Variants in IL1RAPL2 observed in about 807,000 individuals in gnomAD.
The protein encoded by IL1RAPL2 is X-linked interleukin-1 receptor accessory protein-like 2.
A neutral mutation model predicts 44.1 loss-of-function variants in IL1RAPL2; 3 were observed. That is an observed-to-expected ratio of 0.07 (90% CI 0.03 to 0.18). The LOEUF is 0.18. Among genes scored for constraint, IL1RAPL2 ranks in the 10% least tolerant of loss-of-function variants. The pLI is 1.00. For synonymous variants in IL1RAPL2, 181 were observed against 178.8 expected (o/e 1.01, Z -0.10); for missense variants, 391 against 496.4 (o/e 0.79, Z 2.02).
At chrX:105,655,088 T>G (rs1351237425) in intron 6 of IL1RAPL2, among the ~76,000 whole-genome samples, 1 of 112,707 alleles carries the variant, frequency 8.9e-6, no homozygotes, top group Non-Finnish European at 1.9e-5. Context: ...CATGCTGGCT[T>G]ACACCTTTTC....
At chrX:105,158,915 A>T (rs1472101897) in intron 2 of IL1RAPL2, among the ~76,000 whole-genome samples, 1 of 110,860 alleles carries the variant, frequency 9.0e-6, no homozygotes, top group Non-Finnish European at 1.9e-5. Context: ...TGCCCTCATC[A>T]CCTTGCTTCT....
chrX:105,209,915 C>A (rs1334931479), intron 3 of IL1RAPL2, among the ~76,000 whole-genome samples: 1 of 111,606 alleles, frequency 9.0e-6, no homozygotes, highest in African/African-American at 3.3e-5. Flanking sequence ...ACCTTCCTTT[C>A]TAGTGCCCCC....
chrX:104,749,185 A>C (rs1932219587), intron 2 of IL1RAPL2, among the ~76,000 whole-genome samples: 1 of 111,277 alleles, frequency 9.0e-6, no homozygotes, highest in South Asian at 3.8e-4. Flanking sequence ...GAGAAGGCAT[A>C]ATTTATTTAA....
At chrX:105,119,240 A>G (rs1287919612) in intron 2 of IL1RAPL2, among the ~76,000 whole-genome samples, 1 of 111,347 alleles carries the variant, frequency 9.0e-6, no homozygotes, top group Non-Finnish European at 1.9e-5. Flanking sequence ...AAATTGAAGT[A>G]TATTCTTACA....
At chrX:105,100,817 A>G (rs759009061) in intron 2 of IL1RAPL2, among the ~76,000 whole-genome samples, 1 of 112,436 alleles carries the variant, frequency 8.9e-6, no homozygotes, top group African/African-American at 3.2e-5. Flanking sequence ...TGATATAGGC[A>G]TCACCAGCCT....
intron 5 of IL1RAPL2, among the ~76,000 whole-genome samples, chrX:105,388,244 A>G (rs1327478632): frequency 2.0e-5 from 2 of 99,465 alleles, no homozygotes; most frequent in Non-Finnish European, 4.0e-5. Context: ...AACTCTGACT[A>G]TGTCGGCAGC....
chrX:105,627,934 A>T (rs2037464914), intron 6 of IL1RAPL2, among the ~76,000 whole-genome samples: 1 of 111,757 alleles, frequency 8.9e-6, no homozygotes, highest in Non-Finnish European at 1.9e-5. Context: ...ACCATCGAGT[A>T]CAGAATCTCT....
At chrX:104,715,031 T>C (rs2147560054) in intron 2 of IL1RAPL2, among the ~76,000 whole-genome samples, 1 of 110,807 alleles carries the variant, frequency 9.0e-6, no homozygotes, top group South Asian at 3.8e-4. Flanking sequence ...TCCTCATTTT[T>C]TGGGAATATT....
intron 2 of IL1RAPL2, among the ~76,000 whole-genome samples, chrX:104,907,054 T>G (rs1323217853): frequency 2.7e-5 from 3 of 111,120 alleles, no homozygotes; most frequent in African/African-American, 9.8e-5. Flanking sequence ...TTGAGGAATT[T>G]ATCCATTTCT....
At chrX:105,415,778 A>C (rs2035728927) in intron 5 of IL1RAPL2, among the ~76,000 whole-genome samples, 1 of 111,553 alleles carries the variant, frequency 9.0e-6, no homozygotes, top group Non-Finnish European at 1.9e-5. Context: ...TCTGCATTGA[A>C]ATAGGAATGT....
intron 2 of IL1RAPL2, among the ~76,000 whole-genome samples, chrX:105,028,993 C>T (rs747679744): frequency 2.8e-5 from 3 of 108,966 alleles, no homozygotes; most frequent in Admixed American, 9.9e-5. Flanking sequence ...TCAGTTGTGC[C>T]GTCTTTAAAT....
intron 2 of IL1RAPL2, among the ~76,000 whole-genome samples, chrX:105,137,060 A>G (rs918127035): frequency 9.0e-6 from 1 of 111,557 alleles, no homozygotes; most frequent in Admixed American, 9.5e-5. Context: ...TGGGAGAATG[A>G]AGACTTATGA....
At chrX:104,568,152 C>G (rs1313721977) in intron 1 of IL1RAPL2, among the ~76,000 whole-genome samples, 1 of 110,696 alleles carries the variant, frequency 9.0e-6, no homozygotes, top group Admixed American at 9.6e-5. Flanking sequence ...GCGGGACCTG[C>G]CCACCACCAC....
intron 2 of IL1RAPL2, among the ~76,000 whole-genome samples, chrX:105,103,433 T>C (rs2032696397): frequency 1.8e-5 from 2 of 111,988 alleles, no homozygotes; most frequent in South Asian, 7.5e-4. Context: ...ATTGTAAACC[T>C]ATGCCGCCAT....
intron 2 of IL1RAPL2, among the ~76,000 whole-genome samples, chrX:105,120,404 A>G (rs942326580): frequency 2.0e-4 from 22 of 110,527 alleles, no homozygotes; most frequent in African/African-American, 2.3e-4. Flanking sequence ...GCATTACCCA[A>G]TTGTCTCTTT....
chrX:105,172,376 C>T (rs1175734143), intron 2 of IL1RAPL2, among the ~76,000 whole-genome samples: 1 of 112,257 alleles, frequency 8.9e-6, no homozygotes, highest in Admixed American at 9.4e-5. Flanking sequence ...GGAGGGCTTA[C>T]CTGAGTTCTC....
chrX:104,858,024 G>C (rs2147645858), intron 2 of IL1RAPL2, among the ~76,000 whole-genome samples: 1 of 111,181 alleles, frequency 9.0e-6, no homozygotes, highest in South Asian at 3.8e-4. Context: ...CAGTCCGCCA[G>C]TACTCAGTCT....
At chrX:105,434,021 C>T (rs1334471650) in intron 5 of IL1RAPL2, among the ~76,000 whole-genome samples, 2 of 111,221 alleles carry the variant, frequency 1.8e-5, no homozygotes, top group African/African-American at 6.5e-5. Flanking sequence ...ATTTAAAGAA[C>T]TCTTAGACTC....
At chrX:104,567,095 A>G (rs1928050404) in intron 1 of IL1RAPL2, 44 bp downstream of exon 1, 2 of 113,220 alleles carry the variant, frequency 1.8e-5, no homozygotes, top group African/African-American at 6.4e-5. Flanking sequence ...GGCAAGGGCC[A>G]GGGGAGAACG....
Sources: gnomAD v4.1 joint callset for allele counts (sites outside exome capture counted in the v4.1 genomes callset) on GRCh38, gnomAD v4.1.1 for gene constraint, MANE v1.5 for transcripts, NCBI Gene and HGNC (gene_info 2026-07-23, HGNC 2026-07-21) for gene names.